Variants in PCSK6 observed in about 807,000 individuals in gnomAD.
PCSK6 encodes proprotein convertase subtilisin/kexin type 6.
In PCSK6, 85 loss-of-function variants were observed where a neutral mutation model predicts 123.3. The ratio of observed to expected loss-of-function variants is 0.69; its 90% CI spans 0.58 to 0.83. The LOEUF is 0.83. Ranked by LOEUF, PCSK6 falls within the 40% of genes least tolerant of loss-of-function variation. PCSK6 has a pLI of 0.00. For missense variants in PCSK6, 1,191 were observed against 1,282.3 expected (o/e 0.93, Z 1.09); for synonymous variants, 508 against 516.0 (o/e 0.98, Z 0.21).
chr15:101,347,183 G>C, intron 13 of PCSK6: 1 of 1,231,796 alleles, frequency 8.1e-7, no homozygotes, highest in Non-Finnish European at 1.0e-6. Flanking sequence ...GAAGGCATGT[G>C]CTTTAAATCT....
intron 15 of PCSK6, among the ~76,000 whole-genome samples, chr15:101,327,985 A>G (rs1002800559): frequency 6.6e-6 from 1 of 152,218 alleles, no homozygotes; most frequent in Non-Finnish European, 1.5e-5. Context: ...CCCCAGCTCC[A>G]GAGGGTTTAC....
At chr15:101,333,101 C>G (rs2141373336) in intron 13 of PCSK6, among the ~76,000 whole-genome samples, 1 of 152,296 alleles carries the variant, frequency 6.6e-6, no homozygotes, top group East Asian at 1.9e-4. Context: ...TTAATTAACG[C>G]CTATCTGCAG....
At chr15:101,340,534 A>G (rs2040578761) in intron 13 of PCSK6, among the ~76,000 whole-genome samples, 1 of 152,198 alleles carries the variant, frequency 6.6e-6, no homozygotes, top group Non-Finnish European at 1.5e-5. Flanking sequence ...TATAACAAAG[A>G]AAGCAGTCCT....
At position 101,489,581 on chromosome 15, in the gene PCSK6, C is replaced by A. The variant is rs1201626567; in HGVS notation, c.90G>T (p.Ala30=). The A allele has an allele frequency of 2.1e-6, 2 of 973,896 alleles. No homozygotes were observed. The highest frequency in any genetic ancestry group is 2.4e-6 in the Non-Finnish European group (2 of 824,264). 60.3% of individuals were successfully genotyped at this position (973,896 alleles called of 1,614,324 possible). A position where few individuals can be genotyped will look rare whatever the true frequency, so the allele number is the denominator to read the frequency against. The change falls in exon 1 of 22, where the codon GCG becomes GCT. Residue 30 remains alanine, a synonymous_variant. Transcript: ENST00000611716. ...ATDTAAGAGG[A]GGAGGAGGPG... ...GCCCGCCGGCGCCCCCCGCGCCCCC[C>A]GCGCCCCCCGCGCCCGCGGCGGTGT...
chr15:101,326,864 C>A (rs1207341831), intron 15 of PCSK6, among the ~76,000 whole-genome samples: 1 of 152,182 alleles, frequency 6.6e-6, no homozygotes, highest in African/African-American at 2.4e-5. Flanking sequence ...TGGGACCAGC[C>A]AGCACCTTTG....
At chr15:101,461,839 A>C (rs189743311) in intron 1 of PCSK6, among the ~76,000 whole-genome samples, 1 of 152,200 alleles carries the variant, frequency 6.6e-6, no homozygotes, top group African/African-American at 2.4e-5. Context: ...AAAGGCATTT[A>C]CAAAAAACAA....
At chr15:101,460,801 G>A (rs1167026271) in intron 1 of PCSK6, among the ~76,000 whole-genome samples, 2 of 152,102 alleles carry the variant, frequency 1.3e-5, no homozygotes, top group Non-Finnish European at 2.9e-5. Flanking sequence ...ATAACTCATG[G>A]TAAAAGAAAA....
chr15:101,410,616 G>C (rs1436617370), intron 6 of PCSK6, among the ~76,000 whole-genome samples: 1 of 152,212 alleles, frequency 6.6e-6, no homozygotes, highest in Admixed American at 6.5e-5. Context: ...CAGTCAAGAA[G>C]TATACAGTTA....
In PCSK6 at chr15:101,429,867, C is replaced by T. The variant is rs1207462721; in HGVS notation, c.734+120G>A. ...GTGACTCCTGGAGAAGCCTGCCTCG[C>T]GCCCAGGCAGGGAAGATACGCCGGC... On this transcript the variant is annotated intron_variant, in intron 5 of 21. Coordinates refer to ENST00000611716, the MANE Select transcript of PCSK6 (RefSeq NM_002570.5). 2.8e-5 allele frequency: 23 copies of T among 817,988 alleles called. No homozygotes were observed. The East Asian group carries it at 2.9e-4, about 10-fold the overall frequency. The allele number at this position is 817,988 out of a possible 1,614,324, so 50.7% of individuals were successfully genotyped here.
intron 6 of PCSK6, among the ~76,000 whole-genome samples, chr15:101,400,676 T>C (rs2141582762): frequency 6.6e-6 from 1 of 152,316 alleles, no homozygotes; most frequent in South Asian, 2.1e-4. Context: ...ATCATGGGTG[T>C]GCTCTTTTGA....
chr15:101,477,829 G>C (rs2057770342), intron 1 of PCSK6, among the ~76,000 whole-genome samples: 1 of 152,238 alleles, frequency 6.6e-6, no homozygotes, highest in African/African-American at 2.4e-5. Context: ...TAGGCAGAAA[G>C]GAGGGTATCC....
chr15:101,398,631 C>G lies in PCSK6; in HGVS notation c.824-55G>C. 1 of 1,564,534 alleles carries G rather than the reference C, an allele frequency of 6.4e-7. No homozygotes were observed. ...CGCCCAGGCTCCGGGCACACAGCGACGGGAACCCGGGCCCAGGAGGCTCGG... is the reference window on the plus strand; with the variant it reads ...CGCCCAGGCTCCGGGCACACAGCGAGGGGAACCCGGGCCCAGGAGGCTCGG... On this transcript the variant is annotated intron_variant, in intron 6 of 21. Transcript: ENST00000611716. The surrounding 1 kb of genome is among the most constrained non-coding windows in gnomAD (Gnocchi z 4.6).
intron 6 of PCSK6, among the ~76,000 whole-genome samples, chr15:101,420,165 T>C (rs866297910): frequency 1.5e-5 from 2 of 136,912 alleles, no homozygotes; most frequent in Middle Eastern, 3.8e-3. Flanking sequence ...CACTCCAGCC[T>C]GGGTGACAGA....
chr15:101,366,956 G>T (rs115334765), intron 12 of PCSK6, among the ~76,000 whole-genome samples: 2 of 152,216 alleles, frequency 1.3e-5, no homozygotes, highest in Non-Finnish European at 2.9e-5. Context: ...CACCTGCAGG[G>T]CTGATCCAGT....
intron 2 of PCSK6, among the ~76,000 whole-genome samples, chr15:101,436,946 C>T (rs1194814130): frequency 2.0e-5 from 3 of 152,212 alleles, no homozygotes; most frequent in Non-Finnish European, 2.9e-5. Flanking sequence ...GGCGACGATT[C>T]ATGCAGCACA....
intron 13 of PCSK6, among the ~76,000 whole-genome samples, chr15:101,354,096 G>T (rs1336679664): frequency 6.6e-6 from 1 of 152,176 alleles, no homozygotes; most frequent in African/African-American, 2.4e-5. Flanking sequence ...CTGAGAAGCA[G>T]GCCGCTCTAG....
intron 7 of PCSK6, among the ~76,000 whole-genome samples, chr15:101,397,919 TGC>T (rs2042462632): frequency 6.6e-6 from 1 of 152,232 alleles, no homozygotes; most frequent in Non-Finnish European, 1.5e-5. Context: ...GGCTGGGCTG[TGC>T]GCTGGTGGGG....
intron 1 of PCSK6, among the ~76,000 whole-genome samples, chr15:101,489,158 G>GT (rs1282738476): frequency 2.3e-4 from 19 of 82,770 alleles, no homozygotes; most frequent in African/African-American, 7.4e-4. Flanking sequence ...CGGGACCCCA[G>GT]TCCCCCCCAC....
intron 6 of PCSK6, among the ~76,000 whole-genome samples, chr15:101,426,981 A>G (rs1347935932): frequency 1.2e-4 from 18 of 152,180 alleles, no homozygotes. Context: ...CAGTCCCTGG[A>G]GGCCCTCTGG....
Sources: gnomAD v4.1 joint callset for allele counts (sites outside exome capture counted in the v4.1 genomes callset) on GRCh38, gnomAD v4.1.1 for gene constraint, Gnocchi (gnomAD v3.1) non-coding constraint, MANE v1.5 for transcripts, NCBI Gene and HGNC (gene_info 2026-07-23, HGNC 2026-07-21) for gene names.